Variants in KLF15 observed in about 807,000 individuals in gnomAD.
KLF15 encodes the protein Krueppel-like factor 15.
In KLF15, 4 loss-of-function variants were observed where a neutral mutation model predicts 24.6. The ratio of observed to expected loss-of-function variants is 0.16; its 90% CI spans 0.08 to 0.37. The LOEUF (loss-of-function observed/expected upper bound fraction) is 0.37, where lower values mean the gene tolerates loss of function less well. KLF15 is among the 10% of genes least tolerant of loss of function. The pLI is 1.00. For missense variants in KLF15, 496 were observed against 560.6 expected, an observed-to-expected ratio of 0.88 and a Z score of 1.16; for synonymous variants, 246 against 236.3, an observed-to-expected ratio of 1.04 and a Z score of -0.37.
chr3:126,325,016 G>T, the KLF15 span, among the ~76,000 whole-genome samples: 1 of 99,454 alleles, frequency 1.0e-5, no homozygotes. Flanking sequence ...GTGTCCATGT[G>T]ATCTCATTGT....
chr3:126,332,266 G>A, the KLF15 span, among the ~76,000 whole-genome samples: 1 of 149,230 alleles, frequency 6.7e-6, no homozygotes, highest in African/African-American at 2.5e-5. Context: ...CCGGACCCCT[G>A]ACCCCCGAGC....
In KLF15 at chr3:126,356,086, G is replaced by A. The variant is rs2082630148; in HGVS notation, c.-26+1151C>T. ...TCCTCCCGGGGACACAGCGGCTGCAGGAACAACATGTAATTGATAACAAGC... is the reference window on the plus strand; with the variant it reads ...TCCTCCCGGGGACACAGCGGCTGCAAGAACAACATGTAATTGATAACAAGC... On this transcript the variant is annotated intron_variant, in intron 1 of 2. Transcript: ENST00000296233. The surrounding 1 kb of genome is among the most constrained non-coding windows in gnomAD (Gnocchi z 4.4). Among the ~76,000 whole-genome samples, 1 of 152,200 alleles carries A rather than the reference G, an allele frequency of 6.6e-6. No individual in the cohort carries two copies. The highest frequency in any genetic ancestry group is 1.5e-5 in the Non-Finnish European group (1 of 68,028).
chr3:126,316,640 T>C, the KLF15 span, among the ~76,000 whole-genome samples: 22 of 118,726 alleles, frequency 1.9e-4, no homozygotes, highest in African/African-American at 5.0e-4. Context: ...TGGGAGTGCA[T>C]GGGCCAGAGT....
At chr3:126,320,227 G>T in the KLF15 span, among the ~76,000 whole-genome samples, 1 of 152,194 alleles carries the variant, frequency 6.6e-6, no homozygotes, top group Non-Finnish European at 1.5e-5. Context: ...TGCTATGATT[G>T]GTGGCTGCCC....
the KLF15 span, among the ~76,000 whole-genome samples, chr3:126,329,488 T>C: frequency 6.6e-6 from 1 of 152,114 alleles, no homozygotes; most frequent in Non-Finnish European, 1.5e-5. Flanking sequence ...CTGTCTCAAA[T>C]AGAATTAATA....
the KLF15 span, among the ~76,000 whole-genome samples, chr3:126,314,155 A>T: frequency 6.6e-6 from 1 of 151,064 alleles, no homozygotes; most frequent in African/African-American, 2.4e-5. Context: ...ACCCAGAGGG[A>T]CTCATCCTCA....
chr3:126,326,736 T>A, the KLF15 span, among the ~76,000 whole-genome samples: 1 of 152,198 alleles, frequency 6.6e-6, no homozygotes, highest in African/African-American at 2.4e-5. Flanking sequence ...TTTTGTTTGT[T>A]TTTAACTGTT....
chr3:126,301,610 C>CTTTTTTTTTTTTTTTTTTT, the KLF15 span, among the ~76,000 whole-genome samples: 3 of 132,282 alleles, frequency 2.3e-5, no homozygotes, highest in South Asian at 2.5e-4. Flanking sequence ...TTTTCTTTTT[C>CTTTTTTTTTTTTTTTTTTT]TTTTTTTTTT....
the KLF15 span, among the ~76,000 whole-genome samples, chr3:126,307,841 C>T: frequency 6.6e-6 from 1 of 152,190 alleles, no homozygotes; most frequent in Non-Finnish European, 1.5e-5. Flanking sequence ...TTTCCTGCTA[C>T]CAGCTCTCCT....
the KLF15 span, among the ~76,000 whole-genome samples, chr3:126,300,327 A>G: frequency 2.0e-5 from 3 of 152,060 alleles, no homozygotes; most frequent in Non-Finnish European, 4.4e-5. Context: ...ACTGGACCCC[A>G]CCACCTCACA....
At chr3:126,344,656 A>C (rs1348043064) in intron 2 of KLF15, among the ~76,000 whole-genome samples, 1 of 152,180 alleles carries the variant, frequency 6.6e-6, no homozygotes, top group Non-Finnish European at 1.5e-5. Flanking sequence ...CCTGTACAGG[A>C]CCGCCCATCC....
At chr3:126,293,522 C>T in the KLF15 span, among the ~76,000 whole-genome samples, 1 of 152,134 alleles carries the variant, frequency 6.6e-6, no homozygotes, top group Non-Finnish European at 1.5e-5. Flanking sequence ...TAAGCACACA[C>T]CTGGTGGCCA....
downstream of KLF15, among the ~76,000 whole-genome samples, chr3:126,339,215 C>T (rs964027803): frequency 7.9e-5 from 12 of 152,286 alleles, no homozygotes; most frequent in African/African-American, 2.6e-4. Flanking sequence ...AGCCAGAGCC[C>T]GAGCTGTCAT....
the KLF15 span, among the ~76,000 whole-genome samples, chr3:126,310,884 C>T: frequency 6.6e-6 from 1 of 152,198 alleles, no homozygotes; most frequent in African/African-American, 2.4e-5. Flanking sequence ...GGGGCTTCCA[C>T]ACACTCTCAA....
chr3:126,292,043 A>C, the KLF15 span, among the ~76,000 whole-genome samples: 2 of 152,076 alleles, frequency 1.3e-5, no homozygotes, highest in Non-Finnish European at 2.9e-5. Flanking sequence ...AAACAGTAAA[A>C]CCACAGAGGA....
chr3:126,342,985 G>A lies in KLF15; in HGVS notation c.*742C>T, dbSNP rs894910851. 1 of 152,224 alleles carries A rather than the reference G, an allele frequency of 6.6e-6. No individual in the cohort carries two copies. Among genetic ancestry groups the A allele is most frequent in the African/African-American group, 2.4e-5 (1 of 41,322 alleles). The allele number at this position is 152,224 out of a possible 1,614,324, so 9.4% of individuals were successfully genotyped here. ...TCCTCCCAAGGCCACCCTAAAGGCT[G>A]GTGTCTGGATTTGTCTGGGAAACCG... On this transcript the variant is annotated 3_prime_UTR_variant, in exon 3 of 3. Coordinates refer to ENST00000296233, the MANE Select transcript of KLF15 (RefSeq NM_014079.4).
chr3:126,292,752 G>C, the KLF15 span, among the ~76,000 whole-genome samples: 4 of 152,074 alleles, frequency 2.6e-5, no homozygotes, highest in Admixed American at 2.6e-4. Flanking sequence ...AGGAAGACAG[G>C]GCAGGGGTGC....
chr3:126,300,358 G>T, the KLF15 span, among the ~76,000 whole-genome samples: 1 of 152,196 alleles, frequency 6.6e-6, no homozygotes, highest in Non-Finnish European at 1.5e-5. Flanking sequence ...GCCCTCGCAG[G>T]CACTTCCATC....
the KLF15 span, among the ~76,000 whole-genome samples, chr3:126,312,720 CA>C: frequency 6.6e-6 from 1 of 152,216 alleles, no homozygotes; most frequent in African/African-American, 2.4e-5. Context: ...CAAAGTACGA[CA>C]GCCTGAGGGC....
Sources: allele counts gnomAD v4.1 joint callset (sites outside exome capture counted in the v4.1 genomes callset), GRCh38; gene constraint gnomAD v4.1.1; non-coding constraint Gnocchi (gnomAD v3.1); transcripts MANE v1.5; gene names NCBI Gene and HGNC (gene_info 2026-07-23, HGNC 2026-07-21).